Variants in LOXL2 observed in about 807,000 individuals in gnomAD.
LOXL2 encodes the protein lysyl oxidase like 2, also known as lysyl oxidase homolog 2.
In LOXL2, 70 loss-of-function variants were observed where a neutral mutation model predicts 93.0. That is an observed-to-expected ratio of 0.75 (90% CI 0.62 to 0.92). The LOEUF is 0.92. Ranked by LOEUF, LOXL2 falls within the 40% of genes least tolerant of loss-of-function variation. LOXL2 has a pLI of 0.00. For missense variants in LOXL2, 973 were observed against 1,054.9 expected (o/e 0.92, Z 1.08); for synonymous variants, 438 against 413.2 (o/e 1.06, Z -0.73).
At position 23,352,255 on chromosome 8, in the gene LOXL2, C is replaced by T. The variant is rs12550732; in HGVS notation, c.531+7835G>A. ...GGCCTCCACCATGGGTCCTTGTGCC[C>T]TTGCTGAAAAGTCCGGCACAAACTA... is the stretch of plus-strand genomic sequence containing the variant. On this transcript the variant is annotated intron_variant, in intron 3 of 13. Coordinates refer to ENST00000389131, the MANE Select transcript of LOXL2 (RefSeq NM_002318.3). Among the ~76,000 whole-genome samples the T allele has an allele frequency of 4.1e-3, 625 of 152,294 alleles. 21 individuals carry two copies. The highest frequency in any genetic ancestry group is 0.037 in the Admixed American group (564 of 15,288).
At chr8:23,334,277 G>A (rs1370040848) in intron 4 of LOXL2, among the ~76,000 whole-genome samples, 3 of 152,238 alleles carry the variant, frequency 2.0e-5, no homozygotes, top group East Asian at 3.8e-4. Context: ...GATCTCAAAT[G>A]ATCTGCCTGC....
At chr8:23,302,205 G>A (rs376090755) in intron 11 of LOXL2, 42 bp from the exon 12 acceptor site, 1 of 1,609,060 alleles carries the variant, frequency 6.2e-7, no homozygotes, top group African/African-American at 1.3e-5. Flanking sequence ...AGGGAACCAT[G>A]GCCCCACTGC....
chr8:23,313,909 C>T (rs1404999231), intron 9 of LOXL2, among the ~76,000 whole-genome samples: 1 of 142,924 alleles, frequency 7.0e-6, no homozygotes, highest in Non-Finnish European at 1.5e-5. Context: ...TGACAAAGGG[C>T]TAATATCCAG....
In LOXL2 at chr8:23,386,782, A is replaced by G. The variant is rs184409142; in HGVS notation, c.-84+17172T>C. The stretch of plus-strand genomic sequence containing the variant: ...TCCTCTACGCTGAATGCAAGCAGAG[A>G]GCATCTGCCAACTGGGTCAGCAGAA... On this transcript the variant is annotated intron_variant, in intron 1 of 13. Transcript: ENST00000389131. 3.9e-5 allele frequency among the ~76,000 whole-genome samples: 6 copies of G among 152,250 alleles called. No homozygotes were observed. The East Asian group carries it at 1.2e-3, about 29-fold the overall frequency.
At chr8:23,333,245 T>C (rs551734411) in intron 5 of LOXL2, among the ~76,000 whole-genome samples, 156 bp downstream of exon 5, 6 of 152,306 alleles carry the variant, frequency 3.9e-5, no homozygotes, top group African/African-American at 1.4e-4. Flanking sequence ...GGTCCTTCTC[T>C]GCAGAGGGCG....
At position 23,316,810 on chromosome 8, in the gene LOXL2, A is replaced by C. The variant is rs543299218; in HGVS notation, c.1636+139T>G. ...GGTGGCGGTCATCTCTCTTGCCCCC[A>C]GTTTTTCTCCCTTAGGATTTCATTC... On this transcript the variant is annotated intron_variant, in intron 9 of 13. Coordinates refer to ENST00000389131, the MANE Select transcript of LOXL2 (RefSeq NM_002318.3). The C allele has an allele frequency of 2.4e-5, 21 of 859,858 alleles. No individual in the cohort carries two copies. The African/African-American group carries it at 2.7e-4, about 11-fold the overall frequency. 53.3% of individuals were successfully genotyped at this position (859,858 alleles called of 1,614,324 possible). A position where few individuals can be genotyped will look rare whatever the true frequency, so the allele number is the denominator to read the frequency against.
In LOXL2 at chr8:23,389,635, T is replaced by C. The variant is rs187879188; in HGVS notation, c.-84+14319A>G. ...ATGCACAGATAAAGGGGAAAACACA[T>C]TGTAAAAATTATACAGTGTTTGGAC... On this transcript the variant is annotated intron_variant, in intron 1 of 13. Coordinates refer to ENST00000389131, the MANE Select transcript of LOXL2 (RefSeq NM_002318.3). Among the ~76,000 whole-genome samples the C allele has an allele frequency of 3.7e-4, 57 of 152,294 alleles. 1 individual carries two copies. Among genetic ancestry groups the C allele is most frequent in the Admixed American group, 1.2e-3 (18 of 15,306 alleles).
At chr8:23,301,262 G>A (rs3808528) in intron 12 of LOXL2, among the ~76,000 whole-genome samples, 46,927 of 152,140 alleles carry the variant, frequency 0.31, 7,638 homozygotes, top group East Asian at 0.44. Flanking sequence ...TGCAGGCTAC[G>A]TGTACCCGTG....
intron 1 of LOXL2, among the ~76,000 whole-genome samples, chr8:23,387,133 T>C (rs1804777161): frequency 6.6e-6 from 1 of 152,148 alleles, no homozygotes; most frequent in Non-Finnish European, 1.5e-5. Flanking sequence ...CCAGGAAAAG[T>C]TGGTTGTGCC....
chr8:23,354,394 C>T (rs530556888), intron 3 of LOXL2, among the ~76,000 whole-genome samples: 124 of 152,314 alleles, frequency 8.1e-4, no homozygotes, highest in Admixed American at 1.8e-3. Flanking sequence ...CATTCACTGA[C>T]GTTTCATTCC....
chr8:23,379,847 C>T (rs1249369717), intron 1 of LOXL2, among the ~76,000 whole-genome samples: 6 of 152,138 alleles, frequency 3.9e-5, no homozygotes, highest in Admixed American at 6.5e-5. Flanking sequence ...CAGCCCTTCC[C>T]TTTACTAGGA....
chr8:23,362,633 C>A (rs1804319635), intron 2 of LOXL2, among the ~76,000 whole-genome samples: 1 of 152,080 alleles, frequency 6.6e-6, no homozygotes, highest in Non-Finnish European at 1.5e-5. Context: ...ATTCAGGAGG[C>A]CAAGGTGGGA....
At chr8:23,353,482 G>C (rs7462855) in intron 3 of LOXL2, among the ~76,000 whole-genome samples, 45,019 of 152,100 alleles carry the variant, frequency 0.3, 8,559 homozygotes, top group African/African-American at 0.54. Flanking sequence ...AAGGGTCAGT[G>C]ACTGGACATA....
At chr8:23,319,086 G>A (rs191328315) in intron 8 of LOXL2, among the ~76,000 whole-genome samples, 14 of 152,358 alleles carry the variant, frequency 9.2e-5, no homozygotes, top group East Asian at 7.7e-4. Context: ...GCATCTTCCC[G>A]TTATGTAAGC....
chr8:23,332,554 A>C (rs1345638448), intron 5 of LOXL2, among the ~76,000 whole-genome samples: 8 of 88,308 alleles, frequency 9.1e-5, no homozygotes, highest in South Asian at 4.4e-4. Context: ...CCACACACCC[A>C]CACTCATACA....
At chr8:23,377,986 T>C (rs1804620185) in intron 1 of LOXL2, among the ~76,000 whole-genome samples, 1 of 152,210 alleles carries the variant, frequency 6.6e-6, no homozygotes, top group Non-Finnish European at 1.5e-5. Flanking sequence ...GTCATTATAA[T>C]GTTAGCTGGT....
At chr8:23,367,278 A>C (rs1804418219) in intron 2 of LOXL2, among the ~76,000 whole-genome samples, 1 of 152,066 alleles carries the variant, frequency 6.6e-6, no homozygotes, top group Non-Finnish European at 1.5e-5. Flanking sequence ...CGAACTCCTG[A>C]CCTCAAGTGA....
rs1328097940 is a variant in LOXL2, at chr8:23,332,239, A to AC, written c.966+1161dup. On this transcript the variant is annotated intron_variant, in intron 5 of 13. Transcript: ENST00000389131. ...CCCCACACACCCCCTACACACTCAC[A>AC]CCCCCACACACTTATACACACCACC... Among the ~76,000 whole-genome samples, 501 of 54,170 alleles carry AC rather than the reference A, an allele frequency of 9.2e-3. 31 individuals carry two copies. The East Asian group carries it at 0.18, about 19-fold the overall frequency. 35.5% of individuals were successfully genotyped at this position (54,170 alleles called of 152,430 possible).
At chr8:23,383,653 T>G (rs1371452246) in intron 1 of LOXL2, among the ~76,000 whole-genome samples, 15 of 29,944 alleles carry the variant, frequency 5.0e-4, no homozygotes, top group African/African-American at 2.8e-3. Context: ...TACGTTTTTT[T>G]TTTGTTTTTT....
Sources: gnomAD v4.1 joint callset for allele counts (sites outside exome capture counted in the v4.1 genomes callset) on GRCh38, gnomAD v4.1.1 for gene constraint, MANE v1.5 for transcripts, NCBI Gene and HGNC (gene_info 2026-07-23, HGNC 2026-07-21) for gene names.